ZNF83: variants seen among roughly 807,000 people sequenced by gnomAD.
The protein encoded by ZNF83 is zinc finger protein 816B.
For missense variants in ZNF83, 552 were observed against 629.9 expected, an observed-to-expected ratio of 0.88 and a Z score of 1.32; for synonymous variants, 209 against 213.0, an observed-to-expected ratio of 0.98 and a Z score of 0.17.
chr19:52,613,134 C>G (rs371525133), exon 3 of ZNF83: 13 of 1,612,206 alleles, frequency 8.1e-6, no homozygotes, highest in Middle Eastern at 3.3e-4. Context: ...CAGTGTGGAT[C>G]GCATGATGAT....
chr19:52,645,076 T>A (rs527379356), intron 3 of ZNF83, among the ~76,000 whole-genome samples: 1 of 151,614 alleles, frequency 6.6e-6, no homozygotes, highest in African/African-American at 2.4e-5. Flanking sequence ...CAACCCATCT[T>A]TCAACATTTG....
At chr19:52,621,198 G>A (rs113559831) in intron 2 of ZNF83, among the ~76,000 whole-genome samples, 2,894 of 152,260 alleles carry the variant, frequency 0.019, 48 homozygotes, top group Non-Finnish European at 0.031. Flanking sequence ...TACGACCTCA[G>A]GTCCTCAGAC....
chr19:52,613,188 ACATTTGAAAGGTTT>A, exon 3 of ZNF83: 1 of 1,614,158 alleles, frequency 6.2e-7, no homozygotes, highest in Non-Finnish European at 8.5e-7. Context: ...CACATTCATT[ACATTTGAAAGGTTT>A]CTCTCCAGTG....
At chr19:52,676,277 T>G (rs2099457991) in intron 1 of ZNF83, among the ~76,000 whole-genome samples, 1 of 152,188 alleles carries the variant, frequency 6.6e-6, no homozygotes. Flanking sequence ...TCTCGTTCAC[T>G]CAGTGCTCAA....
chr19:52,640,538 G>C (rs142900665), upstream of ZNF83, among the ~76,000 whole-genome samples: 831 of 152,036 alleles, frequency 5.5e-3, 14 homozygotes, highest in African/African-American at 0.019. Context: ...ACTCTTTTTT[G>C]TTTTTCTTTG....
rs142454889 is a variant in ZNF83, at chr19:52,634,176, G to A, written c.-234+890C>T. Reference sequence around the variant, plus strand: ...AATCTCAGCTACTCAGGAGGCTGAGGTAGGAGAATCACTTGAACTCAGAAG... The same window carrying A: ...AATCTCAGCTACTCAGGAGGCTGAGATAGGAGAATCACTTGAACTCAGAAG... On this transcript the variant is annotated intron_variant, in intron 2 of 2. Coordinates refer to ENST00000301096, the Ensembl canonical transcript of ZNF83. Among the ~76,000 whole-genome samples the A allele has an allele frequency of 4.3e-3, 660 of 152,162 alleles. 6 individuals are homozygous for A. Among genetic ancestry groups the A allele is most frequent in the African/African-American group, 0.015 (642 of 41,514 alleles).
intron 1 of ZNF83, among the ~76,000 whole-genome samples, chr19:52,681,489 A>AT (rs2061919784): frequency 6.6e-6 from 1 of 152,172 alleles, no homozygotes; most frequent in Admixed American, 6.6e-5. Flanking sequence ...CATGAATAAC[A>AT]TTTTTGAATG....
At chr19:52,674,006 A>T (rs2061764290) in intron 1 of ZNF83, among the ~76,000 whole-genome samples, 1 of 127,242 alleles carries the variant, frequency 7.9e-6, no homozygotes, top group South Asian at 2.5e-4. Flanking sequence ...ACAGAGTGAG[A>T]CTCCATCTCA....
chr19:52,681,342 A>G (rs551145611), intron 1 of ZNF83, among the ~76,000 whole-genome samples: 2 of 151,666 alleles, frequency 1.3e-5, no homozygotes, highest in African/African-American at 4.8e-5. Context: ...AGTATGTTCA[A>G]CATAACAGGT....
chr19:52,619,055 AATAG>A (rs758634000), intron 2 of ZNF83: 1 of 1,612,790 alleles, frequency 6.2e-7, no homozygotes, highest in African/African-American at 1.3e-5. Flanking sequence ...CCTGAATGTC[AATAG>A]ACCCTGAAAT....
intron 3 of ZNF83, chr19:52,655,058 C>G (rs754824532): frequency 2.6e-5 from 4 of 153,042 alleles, no homozygotes; most frequent in African/African-American, 7.2e-5. Flanking sequence ...TGGTGACTTG[C>G]ATCTGTAATT....
intron 2 of ZNF83, chr19:52,617,704 C>G (rs1441491451): frequency 6.9e-6 from 1 of 144,156 alleles, no homozygotes; most frequent in Non-Finnish European, 1.5e-5. Context: ...GCACTCCAGC[C>G]TGGGCAACAG....
At chr19:52,639,473 G>C (rs915028805), upstream of ZNF83, among the ~76,000 whole-genome samples, 1 of 135,972 alleles carries the variant, frequency 7.4e-6, no homozygotes, top group African/African-American at 2.9e-5. Flanking sequence ...GCTGGAATGC[G>C]GTGGCGAGAT....
intron 1 of ZNF83, among the ~76,000 whole-genome samples, chr19:52,665,712 G>A (rs1279848597): frequency 6.6e-6 from 1 of 152,014 alleles, no homozygotes; most frequent in African/African-American, 2.4e-5. Context: ...TTAGCCAATC[G>A]GAATTAGCTT....
intron 3 of ZNF83, chr19:52,652,579 G>T: frequency 4.6e-6 from 2 of 433,428 alleles, no homozygotes; most frequent in Non-Finnish European, 9.3e-6. Flanking sequence ...TCCAGTATGA[G>T]TTCACTGATG....
intron 3 of ZNF83, among the ~76,000 whole-genome samples, chr19:52,644,442 TG>T (rs1476685837): frequency 6.6e-6 from 1 of 152,162 alleles, no homozygotes; most frequent in Non-Finnish European, 1.5e-5. Context: ...AAGATGTGTC[TG>T]AATTCTTACA....
upstream of ZNF83, chr19:52,638,395 C>CGGGGCCCGCGAGGTGGGCG (rs1397555214): frequency 7.4e-5 from 11 of 148,426 alleles, no homozygotes; most frequent in Admixed American, 7.4e-4. Flanking sequence ...CAGGTCTGGG[C>CGGGGCCCGCGAGGTGGGCG]GGGGCCCGCG....
At chr19:52,621,804 T>C (rs1051356724) in intron 2 of ZNF83, among the ~76,000 whole-genome samples, 4 of 128,402 alleles carry the variant, frequency 3.1e-5, no homozygotes, top group African/African-American at 1.1e-4. Context: ...AATGGCCAGA[T>C]AATGGCACTT....
chr19:52,613,579 T>C (rs1163608178), exon 3 of ZNF83: 1 of 1,613,622 alleles, frequency 6.2e-7, no homozygotes, highest in Non-Finnish European at 8.5e-7. Flanking sequence ...TAGGGATGAC[T>C]TGTGACTGAA....
Sources: allele counts gnomAD v4.1 joint callset (sites outside exome capture counted in the v4.1 genomes callset), GRCh38; gene constraint gnomAD v4.1.1; transcripts MANE v1.5; gene names NCBI Gene and HGNC (gene_info 2026-07-23, HGNC 2026-07-21).